CD163L1: variants seen among roughly 807,000 people sequenced by gnomAD.
The protein encoded by CD163L1 is scavenger receptor cysteine-rich type 1 protein M160.
A neutral mutation model predicts 165.4 loss-of-function variants in CD163L1; 124 were observed. That is an observed-to-expected ratio of 0.75 (90% CI 0.65 to 0.87). The LOEUF is 0.87. Among genes scored for constraint, CD163L1 ranks in the 40% least tolerant of loss-of-function variants. The probability of loss-of-function intolerance (pLI) is 0.00; values close to 1 mark genes in which losing one functional copy is unlikely to be tolerated. For synonymous variants in CD163L1, 585 were observed against 662.2 expected, an observed-to-expected ratio of 0.88 and a Z score of 1.79; for missense variants, 1,525 against 1,799.9, an observed-to-expected ratio of 0.85 and a Z score of 2.76.
chr12:7,331,649 C>G, the CD163L1 span, among the ~76,000 whole-genome samples: 1 of 152,186 alleles, frequency 6.6e-6, no homozygotes, highest in Non-Finnish European at 1.5e-5. Context: ...CTGCAGCCAC[C>G]GCTGCTGATA....
the CD163L1 span, among the ~76,000 whole-genome samples, chr12:7,321,671 G>C: frequency 6.6e-6 from 1 of 152,240 alleles, no homozygotes. Context: ...TGGGGCCTCA[G>C]TGTATGAGAA....
At chr12:7,375,180 C>T in intron 11 of CD163L1, 101 bp downstream of exon 11, 6 of 1,214,624 alleles carry the variant, frequency 4.9e-6, no homozygotes, top group Non-Finnish European at 7.0e-6. Flanking sequence ...CCCCCTCCAC[C>T]TGCACCCCCA....
rs779439730 is a variant in CD163L1, at chr12:7,410,641, CTAA to C, written c.767-3792_767-3790del. Among the ~76,000 whole-genome samples the C allele has an allele frequency of 4.2e-5, 6 of 143,626 alleles. No homozygotes were observed. The East Asian group carries it at 1.2e-3, about 29-fold the overall frequency. The allele number at this position is 143,626 out of a possible 152,430, so 94.2% of individuals were successfully genotyped here. A position where few individuals can be genotyped will look rare whatever the true frequency, so the allele number is the denominator to read the frequency against. ...AAGGAGAGCGACGAGACCATCCTGG[CTAA>C]TACGGTGAAACCCCGTCTCCACTAA... On this transcript the variant is annotated intron_variant, in intron 4 of 19. Coordinates refer to ENST00000313599, the MANE Select transcript of CD163L1 (RefSeq NM_174941.6).
the CD163L1 span, among the ~76,000 whole-genome samples, chr12:7,335,195 G>A: frequency 1.3e-5 from 2 of 152,102 alleles, no homozygotes; most frequent in Non-Finnish European, 2.9e-5. Context: ...TCAATCCTAA[G>A]CCAAAAGAAC....
intron 4 of CD163L1, among the ~76,000 whole-genome samples, chr12:7,407,656 C>T (rs980949687): frequency 4.0e-5 from 6 of 151,552 alleles, no homozygotes; most frequent in African/African-American, 1.5e-4. Context: ...TATATACACA[C>T]ACACACATAT....
chr12:7,419,604 C>A (rs1321298408), intron 4 of CD163L1, among the ~76,000 whole-genome samples: 3 of 151,966 alleles, frequency 2.0e-5, no homozygotes, highest in Admixed American at 6.6e-5. Flanking sequence ...ACCTAGAAAA[C>A]CCTAAAGACC....
intron 4 of CD163L1, among the ~76,000 whole-genome samples, chr12:7,413,124 C>A (rs1948171582): frequency 6.9e-6 from 1 of 145,800 alleles, no homozygotes; most frequent in Admixed American, 6.8e-5. Context: ...GAGGTTCAAG[C>A]ACCTTGGTGG....
intron 6 of CD163L1, among the ~76,000 whole-genome samples, chr12:7,402,416 A>T (rs1266143020): frequency 6.6e-6 from 1 of 151,946 alleles, no homozygotes; most frequent in Non-Finnish European, 1.5e-5. Context: ...TTCTTCATTT[A>T]TCCTATATCT....
chr12:7,439,841 C>A (rs1012396547), intron 2 of CD163L1: 19 of 1,613,262 alleles, frequency 1.2e-5, no homozygotes, highest in Admixed American at 1.7e-5. Context: ...TCCTCACTGT[C>A]GCCAAAGGCC....
the CD163L1 span, chr12:7,328,347 A>T: frequency 6.3e-7 from 1 of 1,593,860 alleles, no homozygotes; most frequent in African/African-American, 1.3e-5. Context: ...CAACGTTTTA[A>T]GAGACCAAGA....
intron 4 of CD163L1, among the ~76,000 whole-genome samples, chr12:7,421,637 GTACACATATACATATATGTACATATA>G (rs1565810926): frequency 1.1e-5 from 1 of 94,808 alleles, no homozygotes; most frequent in Non-Finnish European, 1.9e-5. Context: ...ATACATATAT[GTACACATATACATATATGTACATATA>G]TACATATACG....
rs780938019 is a variant in CD163L1 at position 7,421,440 on chromosome 12, C to CAT, written c.766+10974_766+10975dup. Among the ~76,000 whole-genome samples the CAT allele has an allele frequency of 1.7e-4, 15 of 88,150 alleles. 1 individual carries two copies. In the East Asian group the frequency reaches 2.1e-3, roughly 12 times the overall value. 57.8% of individuals were successfully genotyped at this position (88,150 alleles called of 152,430 possible). ...ATATATACATATATGTACATATATA[C>CAT]ATATACATATATGTACATATATACA... On this transcript the variant is annotated intron_variant, in intron 4 of 19. Coordinates refer to ENST00000313599, the MANE Select transcript of CD163L1 (RefSeq NM_174941.6).
chr12:7,393,100 C>A (rs1245951318), intron 8 of CD163L1, among the ~76,000 whole-genome samples: 1 of 152,122 alleles, frequency 6.6e-6, no homozygotes, highest in Non-Finnish European at 1.5e-5. Flanking sequence ...GATACCAAAG[C>A]TTGGCAGAGA....
chr12:7,339,839 T>G, the CD163L1 span, among the ~76,000 whole-genome samples: 1 of 152,138 alleles, frequency 6.6e-6, no homozygotes, highest in Non-Finnish European at 1.5e-5. Flanking sequence ...TGCTAGACAA[T>G]GAAAAGAAAG....
At chr12:7,431,324 G>A (rs1345850806) in intron 4 of CD163L1, among the ~76,000 whole-genome samples, 4 of 151,966 alleles carry the variant, frequency 2.6e-5, no homozygotes, top group African/African-American at 9.7e-5. Flanking sequence ...AGCTGAGGCA[G>A]AAGAATAGCT....
chr12:7,374,781 A>G lies in CD163L1; in HGVS notation c.3095-25T>C. ...TCTTAGAGGAGAAAGTCCAGTTAAT[A>G]GGTCACATTCTTTAGAGTTGCAGTG... On this transcript the variant is annotated intron_variant, in intron 12 of 19. Coordinates refer to ENST00000313599, the MANE Select transcript of CD163L1 (RefSeq NM_174941.6). The surrounding 1 kb of genome is among the most constrained non-coding windows in gnomAD (Gnocchi z 5.4). The G allele has an allele frequency of 6.2e-7, 1 of 1,613,962 alleles. No homozygotes were observed. The highest frequency in any genetic ancestry group is 1.1e-5 in the South Asian group (1 of 91,054).
At chr12:7,367,982 C>A in intron 17 of CD163L1, 105 bp downstream of exon 17, 1 of 716,396 alleles carries the variant, frequency 1.4e-6, no homozygotes, top group Non-Finnish European at 2.5e-6. Flanking sequence ...ATCCATCTCA[C>A]TCAAAGTGGC....
At chr12:7,399,483 T>TTATTCC (rs1947869611) in intron 6 of CD163L1, among the ~76,000 whole-genome samples, 1 of 149,164 alleles carries the variant, frequency 6.7e-6, no homozygotes, top group Non-Finnish European at 1.5e-5. Context: ...TCCTTCCTTC[T>TTATTCC]TCTTCCTCTT....
the CD163L1 span, among the ~76,000 whole-genome samples, chr12:7,331,899 G>A: frequency 3.9e-5 from 6 of 152,186 alleles, no homozygotes; most frequent in Non-Finnish European, 8.8e-5. Context: ...AAGGAACGCA[G>A]CTCCTCACCA....
Sources: gnomAD v4.1 joint callset for allele counts (sites outside exome capture counted in the v4.1 genomes callset) on GRCh38, gnomAD v4.1.1 for gene constraint, Gnocchi (gnomAD v3.1) non-coding constraint, MANE v1.5 for transcripts, NCBI Gene and HGNC (gene_info 2026-07-23, HGNC 2026-07-21) for gene names.